Variants in PRKN observed in about 807,000 individuals in gnomAD.
PRKN encodes the protein parkin RBR E3 ubiquitin protein ligase, also known as E3 ubiquitin-protein ligase parkin.
In PRKN, 56 loss-of-function variants were observed where a neutral mutation model predicts 59.5. That is an observed-to-expected ratio of 0.94 (90% confidence interval 0.76 to 1.18). PRKN has a LOEUF of 1.18. PRKN is among the 50% of genes most tolerant of loss of function. PRKN has a pLI of 0.00. For missense variants in PRKN, 657 were observed against 596.4 expected, an observed-to-expected ratio of 1.10 and a Z score of -1.06; for synonymous variants, 250 against 222.1, an observed-to-expected ratio of 1.13 and a Z score of -1.12.
At chr6:162,675,641 C>A (rs1226495388) in intron 1 of PRKN, among the ~76,000 whole-genome samples, 1 of 152,094 alleles carries the variant, frequency 6.6e-6, no homozygotes, top group Non-Finnish European at 1.5e-5. Context: ...TAGAGAGAAA[C>A]ACTTTAATAA....
Position 162,262,588 on chromosome 6 carries a change from C to T in PRKN, c.349G>A (p.Val117Met). The change falls in exon 3 of 12, where the codon GTG (valine) becomes ATG (methionine). Residue 117 changes from valine (V) to methionine (M), a missense_variant. Val to Met is a conservative substitution (Grantham distance 21). Transcript: ENST00000366898. ...GTGTGCAGAATGACAGCCAGCCCCA[C>T]AGAGTCTCCTGGGAGGACTGAGCTG... ...LSSSVLPGDS[V>M]GLAVILHTDS... is the part of the protein sequence containing the mutation. 1 of 1,613,208 alleles carries T rather than the reference C, an allele frequency of 6.2e-7. No individual in the cohort carries two copies. The highest frequency in any genetic ancestry group is 8.5e-7 in the Non-Finnish European group (1 of 1,179,220).
At chr6:161,795,282 G>C (rs1414022246) in intron 6 of PRKN, among the ~76,000 whole-genome samples, 3 of 139,154 alleles carry the variant, frequency 2.2e-5, no homozygotes, top group Non-Finnish European at 4.5e-5. Flanking sequence ...GCTCAGGCTG[G>C]AGTGCAGTGG....
intron 7 of PRKN, among the ~76,000 whole-genome samples, chr6:161,625,783 G>T (rs1783063406): frequency 6.6e-6 from 1 of 152,026 alleles, no homozygotes; most frequent in African/African-American, 2.4e-5. Flanking sequence ...ATTTAAAAAT[G>T]CCAGAACATT....
At chr6:162,479,882 T>C (rs138978553) in intron 1 of PRKN, among the ~76,000 whole-genome samples, 87 of 151,844 alleles carry the variant, frequency 5.7e-4, no homozygotes, top group Non-Finnish European at 1.1e-3. Flanking sequence ...CTGGCCAACA[T>C]AGTGAAACCT....
At chr6:162,607,540 G>A (rs1331199091) in intron 1 of PRKN, among the ~76,000 whole-genome samples, 1 of 146,396 alleles carries the variant, frequency 6.8e-6, no homozygotes, top group East Asian at 2.5e-4. Context: ...GAAATTAAAT[G>A]AGTTTTTTTT....
intron 2 of PRKN, among the ~76,000 whole-genome samples, chr6:162,416,061 C>T (rs1402864990): frequency 6.6e-6 from 1 of 152,112 alleles, no homozygotes; most frequent in Non-Finnish European, 1.5e-5. Context: ...GGCTCCACTA[C>T]TTTCCAATAT....
At chr6:162,491,536 G>T (rs1027527390) in intron 1 of PRKN, among the ~76,000 whole-genome samples, 1 of 152,132 alleles carries the variant, frequency 6.6e-6, no homozygotes, top group African/African-American at 2.4e-5. Flanking sequence ...TGCAGTTGCC[G>T]TGCCTCACTC....
At chr6:162,554,226 A>G (rs9356040) in intron 1 of PRKN, among the ~76,000 whole-genome samples, 45,278 of 152,136 alleles carry the variant, frequency 0.3, 7,157 homozygotes, top group East Asian at 0.49. Context: ...CAGAATGGCC[A>G]GGCGCAGTGG....
chr6:161,841,245 G>C (rs1282996157), intron 6 of PRKN, among the ~76,000 whole-genome samples: 1 of 152,190 alleles, frequency 6.6e-6, no homozygotes, highest in Non-Finnish European at 1.5e-5. Flanking sequence ...AGGAGGTTAA[G>C]AGGGAATGAG....
At chr6:162,011,918 T>C (rs1369435403) in intron 5 of PRKN, among the ~76,000 whole-genome samples, 2 of 150,520 alleles carry the variant, frequency 1.3e-5, no homozygotes, top group Admixed American at 1.3e-4. Context: ...GGAGAAATAA[T>C]TGATGGATAG....
intron 9 of PRKN, among the ~76,000 whole-genome samples, chr6:161,491,883 C>T (rs975385901): frequency 5.9e-5 from 9 of 152,110 alleles, no homozygotes; most frequent in African/African-American, 1.9e-4. Flanking sequence ...CCACCCATCT[C>T]GGCCTCCCAA....
intron 5 of PRKN, among the ~76,000 whole-genome samples, chr6:161,997,414 C>T (rs555115985): frequency 6.6e-6 from 1 of 152,148 alleles, no homozygotes; most frequent in Admixed American, 6.6e-5. Context: ...AACTGGACAT[C>T]ATTTACAACT....
intron 9 of PRKN, among the ~76,000 whole-genome samples, chr6:161,389,991 T>C (rs937775058): frequency 2.6e-5 from 4 of 152,214 alleles, no homozygotes; most frequent in African/African-American, 7.2e-5. Flanking sequence ...CACTTTAGCA[T>C]GGCAAAAGGC....
In PRKN at chr6:162,387,555, CAGAGAGAGAGAGAG is replaced by C. The variant is rs60548327; in HGVS notation, c.171+55741_171+55754del. On this transcript the variant is annotated intron_variant, in intron 2 of 11. Coordinates refer to ENST00000366898, the MANE Select transcript of PRKN (RefSeq NM_004562.3). ...CAACACACACACACACACACACACA[CAGAGAGAGAGAGAG>C]AGAGAGAGAGAGAGAGAGAGAGAGA... Among the ~76,000 whole-genome samples the C allele has an allele frequency of 4.2e-3, 401 of 95,622 alleles. 2 individuals carry two copies. The highest frequency in any genetic ancestry group is 0.011 in the African/African-American group (262 of 24,326). 62.7% of individuals were successfully genotyped at this position (95,622 alleles called of 152,430 possible).
intron 5 of PRKN, among the ~76,000 whole-genome samples, chr6:161,979,933 C>G (rs1473208936): frequency 6.6e-6 from 1 of 152,122 alleles, no homozygotes; most frequent in African/African-American, 2.4e-5. Flanking sequence ...GAATAAATAG[C>G]CCAGCAAAAT....
At chr6:162,116,198 A>T (rs1780665279) in intron 4 of PRKN, among the ~76,000 whole-genome samples, 1 of 152,192 alleles carries the variant, frequency 6.6e-6, no homozygotes. Context: ...AAGCTTTTAA[A>T]ATCCATTGCA....
At chr6:161,425,309 C>G (rs1222091909) in intron 9 of PRKN, among the ~76,000 whole-genome samples, 5 of 152,182 alleles carry the variant, frequency 3.3e-5, no homozygotes, top group African/African-American at 7.2e-5. Context: ...CATTGAGGTT[C>G]TCTACTCACA....
intron 5 of PRKN, among the ~76,000 whole-genome samples, chr6:162,004,738 T>C (rs1323130501): frequency 3.9e-5 from 6 of 152,190 alleles, no homozygotes; most frequent in Non-Finnish European, 7.3e-5. Context: ...ACACTGCAGA[T>C]GGTATGTCTC....
At chr6:162,382,564 G>A (rs997295207) in intron 2 of PRKN, among the ~76,000 whole-genome samples, 4 of 152,098 alleles carry the variant, frequency 2.6e-5, no homozygotes, top group Non-Finnish European at 4.4e-5. Context: ...ACAATTACCC[G>A]AGCCTTCAAC....
Sources: gnomAD v4.1 joint callset for allele counts (sites outside exome capture counted in the v4.1 genomes callset) on GRCh38, gnomAD v4.1.1 for gene constraint, MANE v1.5 for transcripts, NCBI Gene and HGNC (gene_info 2026-07-23, HGNC 2026-07-21) for gene names.